Variants in TRIO observed in about 807,000 individuals in gnomAD.
TRIO encodes the protein trio Rho guanine nucleotide exchange factor, also known as triple functional domain protein.
Under a neutral mutation model 351.9 loss-of-function variants are expected in TRIO, and 58 were observed. That is an observed-to-expected ratio of 0.16 (90% confidence interval 0.13 to 0.21). The LOEUF is 0.21. TRIO is among the 10% of genes least tolerant of loss of function. The pLI, the probability that TRIO is intolerant of heterozygous loss-of-function variation, is 1.00. For synonymous variants in TRIO, 1,758 were observed against 1,595.7 expected (o/e 1.10, Z -2.42); for missense variants, 3,201 against 4,027.8 (o/e 0.79, Z 5.56).
chr5:14,372,760 G>C (rs1483201176), intron 18 of TRIO, among the ~76,000 whole-genome samples: 2 of 152,002 alleles, frequency 1.3e-5, no homozygotes, highest in Non-Finnish European at 1.5e-5. Context: ...CTTTTAACAC[G>C]CAGCTCATCC....
intron 11 of TRIO, among the ~76,000 whole-genome samples, chr5:14,357,040 C>G (rs1442457785): frequency 2.0e-5 from 3 of 152,168 alleles, no homozygotes; most frequent in Non-Finnish European, 4.4e-5. Context: ...AGACAAATGT[C>G]AGAACTCACA....
Position 14,487,728 on chromosome 5 carries a change from CA to C in TRIO, c.7101del (p.Gly2368ValfsTer45). 1 of 1,435,092 alleles carries C rather than the reference CA, an allele frequency of 7.0e-7. No individual in the cohort carries two copies. The allele number at this position is 1,435,092 out of a possible 1,614,324, so 88.9% of individuals were successfully genotyped here. On this transcript the variant is annotated frameshift_variant, in exon 48 of 57. Coordinates refer to ENST00000344204, the MANE Select transcript of TRIO (RefSeq NM_007118.4). LOFTEE classifies it high-confidence loss of function. ...ASSQAEADKM[S>X]GTSTPGPSLP... is the part of the protein sequence containing the mutation. ...AGCCAGGCAGAGGCAGACAAGATGT[CA>C]GGTACGTCCACCCCCGGGCCCTCCC... is the stretch of plus-strand genomic sequence containing the variant.
intron 27 of TRIO, among the ~76,000 whole-genome samples, chr5:14,393,389 A>T (rs949923750): frequency 1.3e-5 from 2 of 152,228 alleles, no homozygotes; most frequent in African/African-American, 2.4e-5. Context: ...ACTTAAAAAG[A>T]AACCCTTATG....
intron 1 of TRIO, among the ~76,000 whole-genome samples, chr5:14,182,440 A>G (rs1789845460): frequency 6.6e-6 from 1 of 152,224 alleles, no homozygotes; most frequent in Admixed American, 6.5e-5. Context: ...TGGAATAGCA[A>G]AGTTTTAGAA....
chr5:14,183,911 C>G (rs1174391912), intron 1 of TRIO: 2 of 696,324 alleles, frequency 2.9e-6, no homozygotes, highest in Admixed American at 4.0e-5. Context: ...TTCGTGGTAA[C>G]CGTTTTTTAA....
chr5:14,372,967 C>T (rs1157875398), intron 18 of TRIO, among the ~76,000 whole-genome samples: 5 of 152,134 alleles, frequency 3.3e-5, no homozygotes, highest in Non-Finnish European at 7.3e-5. Context: ...ACAGGGGAGG[C>T]CTCAGAAAAC....
intron 1 of TRIO, among the ~76,000 whole-genome samples, chr5:14,157,923 A>T (rs939625709): frequency 6.6e-6 from 1 of 152,054 alleles, no homozygotes; most frequent in Non-Finnish European, 1.5e-5. Flanking sequence ...GATGACACGG[A>T]TATTACGTCG....
chr5:14,224,503 A>G (rs1339308411), intron 1 of TRIO, among the ~76,000 whole-genome samples: 3 of 152,182 alleles, frequency 2.0e-5, no homozygotes, highest in Non-Finnish European at 4.4e-5. Flanking sequence ...TATTAGCACC[A>G]TCTTAGACAC....
At position 14,446,385 on chromosome 5, in the gene TRIO, G is replaced by T. The variant is rs80110987; in HGVS notation, c.5204-14634G>T. On this transcript the variant is annotated intron_variant, in intron 34 of 56. Transcript: ENST00000344204. ...CTTTTTGTCTTTGGCCTTTATTGTTGTGGTGGTTTTAGTATGTGATAACCC... is the reference window on the plus strand; with the variant it reads ...CTTTTTGTCTTTGGCCTTTATTGTTTTGGTGGTTTTAGTATGTGATAACCC... Among the ~76,000 whole-genome samples the T allele has an allele frequency of 8.1e-3, 1,230 of 152,284 alleles. 14 individuals carry two copies. Among genetic ancestry groups the T allele is most frequent in the Non-Finnish European group, 0.012 (836 of 68,020 alleles).
intron 1 of TRIO, among the ~76,000 whole-genome samples, chr5:14,170,273 C>T (rs164351): frequency 0.28 from 41,818 of 151,634 alleles, 6,659 homozygotes; most frequent in East Asian, 0.46. Flanking sequence ...TTTTTTCTTT[C>T]GTAATTAAAA....
chr5:14,227,918 CTTG>C (rs978736458), intron 1 of TRIO, among the ~76,000 whole-genome samples: 5 of 152,252 alleles, frequency 3.3e-5, no homozygotes, highest in African/African-American at 4.8e-5. Flanking sequence ...TAATATCATA[CTTG>C]TTGTATATTT....
intron 11 of TRIO, among the ~76,000 whole-genome samples, chr5:14,347,469 CT>C (rs1391940984): frequency 1.3e-5 from 2 of 152,240 alleles, no homozygotes; most frequent in Non-Finnish European, 2.9e-5. Flanking sequence ...GCAGTCTTGC[CT>C]TTTAACTGAC....
chr5:14,303,306 G>A (rs538658), intron 7 of TRIO, among the ~76,000 whole-genome samples: 5,681 of 129,826 alleles, frequency 0.044, 515 homozygotes, highest in African/African-American at 0.16. Flanking sequence ...AGATTGAGCC[G>A]GGATTGGGAT....
At position 14,143,721 on chromosome 5, in the gene TRIO, C is replaced by T. The variant is rs1399605841; in HGVS notation, c.-5C>T. On this transcript the variant is annotated 5_prime_UTR_variant, in exon 1 of 57. Transcript: ENST00000344204. ...GCGGGCGCGGCCGCGGGCGCCGCCG[C>T]AGCCATGAGCGGCAGCAGCGGCGGA... 2.1e-5 allele frequency: 21 copies of T among 977,556 alleles called. No homozygotes were observed. Among genetic ancestry groups the T allele is most frequent in the Non-Finnish European group, 2.5e-5 (21 of 826,526 alleles). 60.6% of individuals were successfully genotyped at this position (977,556 alleles called of 1,614,324 possible). A position where few individuals can be genotyped will look rare whatever the true frequency, so the allele number is the denominator to read the frequency against.
chr5:14,370,104 T>C (rs1198500411), intron 18 of TRIO, among the ~76,000 whole-genome samples: 1 of 150,210 alleles, frequency 6.7e-6, no homozygotes, highest in Non-Finnish European at 1.5e-5. Context: ...TGCTTTTTCT[T>C]TTCTTTCTTT....
intron 36 of TRIO, among the ~76,000 whole-genome samples, 172 bp from the exon 37 acceptor site, chr5:14,465,373 A>G (rs923590243): frequency 2.6e-5 from 4 of 152,238 alleles, no homozygotes; most frequent in African/African-American, 9.6e-5. Flanking sequence ...TTGTCAGAAT[A>G]TTGTAAATTC....
intron 34 of TRIO, among the ~76,000 whole-genome samples, chr5:14,430,186 C>A (rs1347941405): frequency 1.1e-5 from 1 of 90,684 alleles, no homozygotes; most frequent in East Asian, 3.1e-4. Flanking sequence ...TATTTGCGTG[C>A]TTTTTTTTTT....
intron 34 of TRIO, among the ~76,000 whole-genome samples, chr5:14,421,406 C>T (rs955731276): frequency 4.0e-5 from 6 of 151,534 alleles, no homozygotes; most frequent in African/African-American, 1.2e-4. Context: ...AAGTTCGGAC[C>T]AGCCTGACCA....
intron 34 of TRIO, among the ~76,000 whole-genome samples, chr5:14,442,388 G>A (rs1752125340): frequency 6.6e-6 from 1 of 152,184 alleles, no homozygotes; most frequent in Admixed American, 6.5e-5. Context: ...AAAGGGGGTA[G>A]GGTGTCGGAT....
Sources: gnomAD v4.1 joint callset for allele counts (sites outside exome capture counted in the v4.1 genomes callset) on GRCh38, gnomAD v4.1.1 for gene constraint, MANE v1.5 for transcripts, NCBI Gene and HGNC (gene_info 2026-07-23, HGNC 2026-07-21) for gene names.